SIPA1L2: variants seen among roughly 807,000 people sequenced by gnomAD.
The protein encoded by SIPA1L2 is signal-induced proliferation-associated 1-like protein 2.
Under a neutral mutation model 163.9 loss-of-function variants are expected in SIPA1L2, and 56 were observed. The observed-to-expected ratio is 0.34, with a 90% CI of 0.28 to 0.43. The LOEUF is 0.43. Among genes scored for constraint, SIPA1L2 ranks in the 20% least tolerant of loss-of-function variants. The probability of loss-of-function intolerance (pLI) is 1.00; values close to 1 mark genes in which losing one functional copy is unlikely to be tolerated. For synonymous variants in SIPA1L2, 877 were observed against 865.7 expected, an observed-to-expected ratio of 1.01 and a Z score of -0.23; for missense variants, 1,974 against 2,193.5, an observed-to-expected ratio of 0.90 and a Z score of 2.00.
At chr1:232,563,192 T>C (rs1244952844) in intron 2 of SIPA1L2, among the ~76,000 whole-genome samples, 1 of 152,138 alleles carries the variant, frequency 6.6e-6, no homozygotes, top group East Asian at 1.9e-4. Context: ...AGGCAGATCA[T>C]ACCAAGGAAT....
intron 2 of SIPA1L2, among the ~76,000 whole-genome samples, chr1:232,528,841 G>A (rs1301605321): frequency 2.6e-5 from 4 of 152,108 alleles, no homozygotes; most frequent in East Asian, 1.9e-4. Context: ...ACTCCCAATC[G>A]CATTTTACTG....
In SIPA1L2 at chr1:232,445,550, C is replaced by A; in HGVS notation, c.3332G>T (p.Arg1111Leu). 6.2e-7 allele frequency: 1 copy of A among 1,613,894 alleles called. No homozygotes were observed. Among genetic ancestry groups the A allele is most frequent in the Non-Finnish European group, 8.5e-7 (1 of 1,179,916 alleles). ...TTACCTCGTGCCATCGGGCAGCTTC[C>A]GGTCGAAGGAGGTGCTTCGAGGAAT... Reference protein sequence around the residue: ...AAIPRSTSFDRKLPDGTRSSP... With the variant: ...AAIPRSTSFDLKLPDGTRSSP... The change falls in exon 11 of 23, where the codon CGG (arginine) becomes CTG (leucine). Residue 1111 changes from arginine (R) to leucine (L), a missense_variant. Coordinates refer to ENST00000674635, the MANE Select transcript of SIPA1L2 (RefSeq NM_020808.5).
rs534307119 is a variant in SIPA1L2, at chr1:232,492,978, G to A, written c.1617+549C>T. 2.8e-4 allele frequency among the ~76,000 whole-genome samples: 42 copies of A among 152,272 alleles called. 1 individual carries two copies. The South Asian group carries it at 5.8e-3, about 21-fold the overall frequency. ...GCAAAATGATATGGGTTAGATTTGT[G>A]TCCCTGCCCAAATCTCATGTCAAAT... On this transcript the variant is annotated intron_variant, in intron 4 of 22. Coordinates refer to ENST00000674635, the MANE Select transcript of SIPA1L2 (RefSeq NM_020808.5).
At chr1:232,467,649 G>A (rs1664593874) in intron 8 of SIPA1L2, among the ~76,000 whole-genome samples, 1 of 152,152 alleles carries the variant, frequency 6.6e-6, no homozygotes, top group African/African-American at 2.4e-5. Context: ...ATGTATCACC[G>A]CTCCTAAATT....
At chr1:232,473,669 T>C (rs1001358813) in intron 7 of SIPA1L2, among the ~76,000 whole-genome samples, 2 of 152,342 alleles carry the variant, frequency 1.3e-5, no homozygotes, top group Non-Finnish European at 2.9e-5. Context: ...CAAACCACTG[T>C]TGTCCCTTTC....
intron 12 of SIPA1L2, among the ~76,000 whole-genome samples, chr1:232,443,119 T>C (rs1293810247): frequency 6.6e-6 from 1 of 152,210 alleles, no homozygotes; most frequent in African/African-American, 2.4e-5. Context: ...ATTGGTCAAC[T>C]CAGTGTCTTT....
At chr1:232,511,158 G>A (rs1047921456) in intron 3 of SIPA1L2, among the ~76,000 whole-genome samples, 19 of 152,252 alleles carry the variant, frequency 1.2e-4, no homozygotes, top group Admixed American at 6.5e-4. Flanking sequence ...ACGGGCATGA[G>A]GGTTATGAGT....
At chr1:232,430,340 C>T (rs1283862319) in intron 16 of SIPA1L2, among the ~76,000 whole-genome samples, 1 of 152,166 alleles carries the variant, frequency 6.6e-6, no homozygotes, top group Non-Finnish European at 1.5e-5. Context: ...TGCACAGAAG[C>T]CTGAGACAGA....
At chr1:232,404,599 A>G (rs1248592332) in intron 19 of SIPA1L2, among the ~76,000 whole-genome samples, 1 of 152,224 alleles carries the variant, frequency 6.6e-6, no homozygotes, top group Non-Finnish European at 1.5e-5. Flanking sequence ...ACAATGCCTT[A>G]TCTTAGCACA....
At position 232,461,143 on chromosome 1, in the gene SIPA1L2, C is replaced by T. The variant is rs368612190; in HGVS notation, c.2839G>A (p.Glu947Lys). 6.2e-6 allele frequency: 10 copies of T among 1,614,058 alleles called. No homozygotes were observed. The highest frequency in any genetic ancestry group is 1.7e-5 in the Admixed American group (1 of 60,010). ...CTCCTCAGGGTCATTTCCACAGTCT[C>T]GCAGCCTCTCGTCACTATCTAAGGG... ...QRLVIVTRGC[E>K]TVEMTLRRNG... Residue 947 changes from glutamate to lysine, a missense_variant, in exon 10 of 23, where the codon GAG (glutamate) becomes AAG (lysine). Coordinates refer to ENST00000674635, the MANE Select transcript of SIPA1L2 (RefSeq NM_020808.5).
At chr1:232,590,720 A>G (rs1435012478) in intron 1 of SIPA1L2, among the ~76,000 whole-genome samples, 3 of 138,432 alleles carry the variant, frequency 2.2e-5, no homozygotes, top group African/African-American at 7.3e-5. Context: ...AAAAACAAAA[A>G]AAGGAAAAAA....
At chr1:232,560,954 G>T (rs1212457873) in intron 2 of SIPA1L2, among the ~76,000 whole-genome samples, 2 of 152,132 alleles carry the variant, frequency 1.3e-5, no homozygotes, top group African/African-American at 4.8e-5. Context: ...AGACGTAAAA[G>T]AAGCCTTTTT....
chr1:232,443,713 G>A, intron 11 of SIPA1L2, 28 bp from the exon 12 acceptor site: 1 of 1,591,440 alleles, frequency 6.3e-7, no homozygotes, highest in Admixed American at 1.7e-5. Flanking sequence ...ATCATTAACA[G>A]GGCACTGAAC....
intron 1 of SIPA1L2, among the ~76,000 whole-genome samples, chr1:232,597,748 A>C (rs1350986360): frequency 6.6e-6 from 1 of 150,668 alleles, no homozygotes; most frequent in Admixed American, 6.6e-5. Flanking sequence ...CAGAAGAATC[A>C]CTCAGGCCCC....
intron 3 of SIPA1L2, among the ~76,000 whole-genome samples, chr1:232,501,666 G>A (rs1666487344): frequency 6.6e-6 from 1 of 152,202 alleles, no homozygotes; most frequent in African/African-American, 2.4e-5. Flanking sequence ...ACCTGAGAGA[G>A]GGGCAAATAG....
intron 2 of SIPA1L2, among the ~76,000 whole-genome samples, chr1:232,561,928 C>G (rs895442893): frequency 2.0e-5 from 3 of 152,184 alleles, no homozygotes; most frequent in Non-Finnish European, 4.4e-5. Context: ...ATTACTAAAC[C>G]TTTTCCAGGG....
chr1:232,578,114 G>T (rs1216718879), intron 1 of SIPA1L2, among the ~76,000 whole-genome samples: 1 of 152,196 alleles, frequency 6.6e-6, no homozygotes, highest in Admixed American at 6.5e-5. Flanking sequence ...CCCGCAAAAA[G>T]ACTGACTTGC....
Position 232,479,615 on chromosome 1 carries a change from G to C in SIPA1L2, c.2085+12C>G. 1.2e-6 allele frequency: 2 copies of C among 1,608,496 alleles called. No homozygotes were observed. The highest frequency in any genetic ancestry group is 1.3e-5 in the African/African-American group (1 of 74,870). On this transcript the variant is annotated intron_variant, in intron 7 of 22. Coordinates refer to ENST00000674635, the MANE Select transcript of SIPA1L2 (RefSeq NM_020808.5). The stretch of plus-strand genomic sequence containing the variant: ...ACTCAGCGTAAAAAGCTCCAGGCTG[G>C]GGAGGACATACCTGTTGTCTGTTGT...
intron 6 of SIPA1L2, 97 bp downstream of exon 6, chr1:232,483,695 C>T (rs1042310990): frequency 1.7e-5 from 23 of 1,369,282 alleles, no homozygotes; most frequent in African/African-American, 4.4e-5. Context: ...CTTCTGGGGC[C>T]GGGAACAGGA....
Sources: gnomAD v4.1 joint callset for allele counts (sites outside exome capture counted in the v4.1 genomes callset) on GRCh38, gnomAD v4.1.1 for gene constraint, MANE v1.5 for transcripts, NCBI Gene and HGNC (gene_info 2026-07-23, HGNC 2026-07-21) for gene names.